The following SLC9A7 variants were observed in gnomAD, a reference collection of about 807,000 sequenced individuals.
The protein encoded by SLC9A7 is solute carrier family 9 member A7.
In SLC9A7, 19 loss-of-function variants were observed where a neutral mutation model predicts 52.6. The ratio of observed to expected loss-of-function variants is 0.36; its 90% CI spans 0.25 to 0.53. SLC9A7 has a LOEUF of 0.53. SLC9A7 is among the 20% of genes least tolerant of loss of function. SLC9A7 has a pLI of 0.91. For missense variants in SLC9A7, 455 were observed against 597.9 expected (o/e 0.76, Z 2.49); for synonymous variants, 226 against 252.1 (o/e 0.90, Z 0.98).
At chrX:46,707,292 C>T (rs112781504) in intron 1 of SLC9A7, among the ~76,000 whole-genome samples, 2 of 112,044 alleles carry the variant, frequency 1.8e-5, no homozygotes, top group African/African-American at 6.5e-5. Context: ...TGGTGAATTC[C>T]GTTCTCACAA....
In SLC9A7 at chrX:46,606,615, C is replaced by A. The variant is rs1942747602; in HGVS notation, c.*337G>T. 1.1e-6 allele frequency: 1 copy of A among 905,913 alleles called. No homozygotes were observed. Among genetic ancestry groups the A allele is most frequent in the Non-Finnish European group, 1.4e-6 (1 of 734,286 alleles). 74.7% of individuals were successfully genotyped at this position (905,913 alleles called of 1,213,427 possible). Reference sequence around the variant, plus strand: ...CAGCCTCTCATGGGAGGAATCCCCCCACCCAGCACCTGCCTCGCCTTGTTC... The same window carrying A: ...CAGCCTCTCATGGGAGGAATCCCCCAACCCAGCACCTGCCTCGCCTTGTTC... On this transcript the variant is annotated 3_prime_UTR_variant, in exon 17 of 17. Coordinates refer to ENST00000616978, the MANE Select transcript of SLC9A7 (RefSeq NM_001257291.2).
In SLC9A7 at chrX:46,607,033, C is replaced by T. The variant is rs1207650274; in HGVS notation, c.2100G>A (p.Leu700=). ...RRTKSSSEEV[L]ERDLGMGDQK... ...GGTCTCCCATTCCCAGGTCTCGCTCCAGCACTTCCTCCGAGCTGCTCTTCG... is the reference window on the plus strand; with the variant it reads ...GGTCTCCCATTCCCAGGTCTCGCTCTAGCACTTCCTCCGAGCTGCTCTTCG... Residue 700 remains leucine, a synonymous_variant, in exon 17 of 17, where the codon CTG becomes CTA. Coordinates refer to ENST00000616978, the MANE Select transcript of SLC9A7 (RefSeq NM_001257291.2). 1 of 1,211,802 alleles carries T rather than the reference C, an allele frequency of 8.3e-7. No homozygotes were observed. Among genetic ancestry groups the T allele is most frequent in the South Asian group, 1.8e-5 (1 of 57,003 alleles).
chrX:46,717,722 C>T (rs1028927607), intron 1 of SLC9A7, among the ~76,000 whole-genome samples: 1 of 110,927 alleles, frequency 9.0e-6, no homozygotes, highest in African/African-American at 3.3e-5. Context: ...AATATTTATC[C>T]AACTGCAACT....
At chrX:46,700,521 G>A (rs1196342902) in intron 1 of SLC9A7, among the ~76,000 whole-genome samples, 3 of 111,706 alleles carry the variant, frequency 2.7e-5, no homozygotes, top group East Asian at 2.8e-4. Flanking sequence ...AGCTTCTGCC[G>A]GGGACTCTCT....
chrX:46,622,914 C>T (rs1030480862), intron 14 of SLC9A7, among the ~76,000 whole-genome samples: 1 of 111,629 alleles, frequency 9.0e-6, no homozygotes, highest in African/African-American at 3.3e-5. Flanking sequence ...ACAGCAAATC[C>T]CGAAATGTAA....
At chrX:46,694,972 C>T (rs1448759630) in intron 1 of SLC9A7, among the ~76,000 whole-genome samples, 1 of 111,936 alleles carries the variant, frequency 8.9e-6, no homozygotes, top group African/African-American at 3.2e-5. Flanking sequence ...GAAAGCCAGT[C>T]ACAAAAATGC....
At chrX:46,636,786 C>T (rs1943327641) in intron 12 of SLC9A7, among the ~76,000 whole-genome samples, 1 of 111,528 alleles carries the variant, frequency 9.0e-6, no homozygotes. Context: ...TCCTCAGCAG[C>T]GGCAATAACG....
chrX:46,659,979 G>T (rs1289364010), intron 7 of SLC9A7, among the ~76,000 whole-genome samples: 3 of 110,625 alleles, frequency 2.7e-5, no homozygotes, highest in Non-Finnish European at 5.7e-5. Flanking sequence ...ATACTACAAG[G>T]CTACAGTAAC....
At chrX:46,743,151 T>C (rs963274223) in intron 1 of SLC9A7, among the ~76,000 whole-genome samples, 36 of 112,157 alleles carry the variant, frequency 3.2e-4, no homozygotes, top group African/African-American at 1.1e-3. Context: ...TAACAGCCAG[T>C]TGACACCACA....
At chrX:46,622,243 C>G (rs759173342) in intron 14 of SLC9A7, among the ~76,000 whole-genome samples, 1 of 111,295 alleles carries the variant, frequency 9.0e-6, no homozygotes, top group East Asian at 2.8e-4. Flanking sequence ...GGAGAGACCC[C>G]AGAGACCAAT....
At chrX:46,623,719 G>A (rs1020271010) in intron 14 of SLC9A7, among the ~76,000 whole-genome samples, 1 of 112,065 alleles carries the variant, frequency 8.9e-6, no homozygotes, top group African/African-American at 3.2e-5. Context: ...GGCATTATGA[G>A]GCTGTAATGT....
At chrX:46,623,978 G>A (rs193092257) in intron 14 of SLC9A7, among the ~76,000 whole-genome samples, 152 of 111,759 alleles carry the variant, frequency 1.4e-3, no homozygotes, top group African/African-American at 4.6e-3. Context: ...GGGAGGACTG[G>A]GGATTGAGTT....
At chrX:46,682,960 A>ATTTTTTTTTTTTTTTTTTTTTTTTTTTT (rs1169630244) in intron 1 of SLC9A7, among the ~76,000 whole-genome samples, 3 of 64,902 alleles carry the variant, frequency 4.6e-5, no homozygotes, top group Non-Finnish European at 8.4e-5. Flanking sequence ...CACCCGGCTA[A>ATTTTTTTTTTTTTTTTTTTTTTTTTTTT]TTTTTTTTTT....
In SLC9A7 at chrX:46,661,540, C is replaced by T. The variant is rs1956315272; in HGVS notation, c.1041+476G>A. Among the ~76,000 whole-genome samples the T allele has an allele frequency of 1.8e-5, 2 of 111,468 alleles. 1 individual carries two copies. Among genetic ancestry groups the T allele is most frequent in the African/African-American group, 6.5e-5 (2 of 30,619 alleles). On this transcript the variant is annotated intron_variant, in intron 7 of 16. Coordinates refer to ENST00000616978, the MANE Select transcript of SLC9A7 (RefSeq NM_001257291.2). ...GTGGAAGGGATGCCTGCTCTTTCCA[C>T]ACTGTTTTTTTAGTTTGTTTAAACT...
intron 4 of SLC9A7, among the ~76,000 whole-genome samples, chrX:46,671,886 G>A (rs890571387): frequency 4.5e-5 from 5 of 111,760 alleles, no homozygotes; most frequent in African/African-American, 6.5e-5. Context: ...AAGTCACTAC[G>A]CACAGCCCAC....
intron 1 of SLC9A7, among the ~76,000 whole-genome samples, chrX:46,733,567 G>A (rs1945076094): frequency 8.9e-6 from 1 of 111,793 alleles, no homozygotes; most frequent in South Asian, 3.7e-4. Flanking sequence ...TAGGGTTGTA[G>A]CTTATATAGA....
At chrX:46,688,849 T>TAA (rs997342459) in intron 1 of SLC9A7, among the ~76,000 whole-genome samples, 4 of 106,104 alleles carry the variant, frequency 3.8e-5, no homozygotes, top group Non-Finnish European at 7.8e-5. Context: ...TATTGAATGG[T>TAA]AAAAAAAAAA....
chrX:46,656,798 G>T (rs1187828399), intron 7 of SLC9A7, among the ~76,000 whole-genome samples: 34 of 109,469 alleles, frequency 3.1e-4, no homozygotes, highest in African/African-American at 9.6e-4. Flanking sequence ...AAAACACTCT[G>T]CAGGATATTA....
intron 1 of SLC9A7, among the ~76,000 whole-genome samples, chrX:46,706,070 G>A (rs1326286441): frequency 9.3e-6 from 1 of 107,976 alleles, no homozygotes; most frequent in Admixed American, 1.0e-4. Context: ...AATCAACTGG[G>A]GAAATGCGAA....
Sources: allele counts gnomAD v4.1 joint callset (sites outside exome capture counted in the v4.1 genomes callset), GRCh38; gene constraint gnomAD v4.1.1; transcripts MANE v1.5; gene names NCBI Gene and HGNC (gene_info 2026-07-23, HGNC 2026-07-21).